The following SOX5 variants were observed in gnomAD, a reference collection of about 807,000 sequenced individuals.
The protein encoded by SOX5 is transcription factor SOX-5.
SOX5 carries 9 observed loss-of-function variants against 92.0 expected under a neutral mutation model. That is an observed-to-expected ratio of 0.10 (90% confidence interval 0.06 to 0.17). The LOEUF is 0.17. Ranked by LOEUF, SOX5 falls within the 10% of genes least tolerant of loss-of-function variation. The pLI is 1.00. For missense variants in SOX5, 642 were observed against 944.5 expected, an observed-to-expected ratio of 0.68 and a Z score of 4.20; for synonymous variants, 344 against 336.3, an observed-to-expected ratio of 1.02 and a Z score of -0.25.
chr12:24,460,345 C>A (rs1943485762), intron 1 of SOX5, among the ~76,000 whole-genome samples: 1 of 152,142 alleles, frequency 6.6e-6, no homozygotes, highest in South Asian at 2.1e-4. Flanking sequence ...GAAAGCATGT[C>A]CAATTGAATA....
chr12:24,059,768 T>A (rs1273694533), intron 4 of SOX5, among the ~76,000 whole-genome samples: 1 of 152,110 alleles, frequency 6.6e-6, no homozygotes, highest in Non-Finnish European at 1.5e-5. Flanking sequence ...CAACCCACAA[T>A]CAAGAGTATA....
chr12:24,496,542 T>C lies in SOX5; in HGVS notation c.-251+65787A>G, dbSNP rs984616762. On this transcript the variant is annotated intron_variant, in intron 1 of 4. Coordinates refer to the SOX5 transcript ENST00000446891. ...AACTTCGCAATTTCCAGGTAACTTA[T>C]GTAATGTTACTGGGAGTAGCAGAAG... Among the ~76,000 whole-genome samples, 3 of 152,310 alleles carry C rather than the reference T, an allele frequency of 2.0e-5. No homozygotes were observed. The South Asian group carries it at 6.2e-4, about 32-fold the overall frequency.
chr12:24,335,747 T>C (rs1034907335), intron 2 of SOX5, among the ~76,000 whole-genome samples: 2 of 151,956 alleles, frequency 1.3e-5, no homozygotes, highest in Non-Finnish European at 2.9e-5. Flanking sequence ...TAGAAATCTA[T>C]AGAAAAGTTA....
intron 4 of SOX5, among the ~76,000 whole-genome samples, chr12:23,985,242 T>TTTTACTTA (rs1555461589): frequency 6.7e-6 from 1 of 149,090 alleles, no homozygotes; most frequent in Non-Finnish European, 1.5e-5. Flanking sequence ...TTTTTTTGAA[T>TTTTACTTA]TTTATTTATT....
intron 4 of SOX5, among the ~76,000 whole-genome samples, chr12:24,153,067 A>G (rs571220754): frequency 2.6e-5 from 4 of 152,128 alleles, no homozygotes; most frequent in Admixed American, 2.6e-4. Flanking sequence ...TGTCTGGACC[A>G]CTGGGGAAAC....
intron 4 of SOX5, among the ~76,000 whole-genome samples, chr12:24,165,039 C>T (rs1474461032): frequency 1.3e-5 from 2 of 151,972 alleles, no homozygotes; most frequent in Admixed American, 1.3e-4. Flanking sequence ...ATCTTGCAAA[C>T]ACCTTTTCCT....
intron 2 of SOX5, among the ~76,000 whole-genome samples, chr12:23,857,477 T>C (rs544093575): frequency 1.3e-5 from 2 of 152,304 alleles, no homozygotes; most frequent in East Asian, 1.9e-4. Flanking sequence ...TCTGTGATTA[T>C]CAACTGTTTT....
rs1964228785 is a variant in SOX5 at position 24,235,237 on chromosome 12, TTA to T, written c.-76-21822_-76-21821del. On this transcript the variant is annotated intron_variant, in intron 3 of 4. Coordinates refer to the SOX5 transcript ENST00000446891. ...TATGAAAGATGACATTAGAGCTATC[TTA>T]TGAGTAAAGCTTAGCAGCTCAGAGG... Among the ~76,000 whole-genome samples, 4 of 152,356 alleles carry T rather than the reference TTA, an allele frequency of 2.6e-5. No individual in the cohort carries two copies. In the South Asian group the frequency reaches 8.3e-4, roughly 32 times the overall value.
chr12:24,045,151 C>T (rs1426451790), intron 4 of SOX5, among the ~76,000 whole-genome samples: 1 of 152,074 alleles, frequency 6.6e-6, no homozygotes, highest in African/African-American at 2.4e-5. Context: ...CTCTGGACTC[C>T]ACTGCTTGGG....
At chr12:23,763,043 C>T (rs1396937802) in intron 3 of SOX5, among the ~76,000 whole-genome samples, 1 of 152,192 alleles carries the variant, frequency 6.6e-6, no homozygotes, top group African/African-American at 2.4e-5. Flanking sequence ...AATTGAAGAG[C>T]TAGTCCTCAT....
chr12:23,607,092 A>G (rs911811527), intron 8 of SOX5, among the ~76,000 whole-genome samples: 1 of 152,122 alleles, frequency 6.6e-6, no homozygotes, highest in African/African-American at 2.4e-5. Context: ...CTTCTGTGCA[A>G]GAGGACAAAT....
At chr12:23,839,238 G>A (rs1331889524) in intron 3 of SOX5, among the ~76,000 whole-genome samples, 2 of 151,886 alleles carry the variant, frequency 1.3e-5, no homozygotes, top group East Asian at 1.9e-4. Flanking sequence ...TTACTCATGG[G>A]GATTGGCATG....
At chr12:23,551,348 G>A (rs919976046) in intron 11 of SOX5, among the ~76,000 whole-genome samples, 1 of 151,732 alleles carries the variant, frequency 6.6e-6, no homozygotes, top group Non-Finnish European at 1.5e-5. Context: ...GAAATAAGGC[G>A]CATGTCCACT....
chr12:24,553,700 G>A (rs907723171), intron 1 of SOX5, among the ~76,000 whole-genome samples: 2 of 152,198 alleles, frequency 1.3e-5, no homozygotes, highest in Non-Finnish European at 2.9e-5. Flanking sequence ...AGTGGACAGT[G>A]GTGCCATGAG....
At chr12:23,968,188 T>C (rs1947812097) in intron 4 of SOX5, among the ~76,000 whole-genome samples, 1 of 152,226 alleles carries the variant, frequency 6.6e-6, no homozygotes. Flanking sequence ...TCTGCATTTG[T>C]TGTTATCACA....
intron 11 of SOX5, among the ~76,000 whole-genome samples, chr12:23,550,445 C>T (rs1007365844): frequency 4.6e-5 from 7 of 151,766 alleles, no homozygotes; most frequent in African/African-American, 1.2e-4. Flanking sequence ...GATAGATATA[C>T]TTTTAATATT....
chr12:24,163,456 T>C (rs1221347586), intron 4 of SOX5, among the ~76,000 whole-genome samples: 1 of 152,050 alleles, frequency 6.6e-6, no homozygotes, highest in African/African-American at 2.4e-5. Context: ...AAAGTTCTTT[T>C]TGTCTACTCA....
intron 4 of SOX5, among the ~76,000 whole-genome samples, chr12:24,098,763 A>G (rs1569541940): frequency 6.6e-6 from 1 of 152,138 alleles, no homozygotes; most frequent in Non-Finnish European, 1.5e-5. Context: ...AGACTTGTGC[A>G]GCTCCTGAAC....
In SOX5 at chr12:23,949,657, T is replaced by C. The variant is rs1211845715; in HGVS notation, c.-56A>G. 11 of 1,613,380 alleles carry C rather than the reference T, an allele frequency of 6.8e-6. No individual in the cohort carries two copies. The highest frequency in any genetic ancestry group is 9.3e-6 in the Non-Finnish European group (11 of 1,179,690). On this transcript the variant is annotated 5_prime_UTR_variant, in exon 1 of 15. Coordinates refer to ENST00000451604, the MANE Select transcript of SOX5 (RefSeq NM_006940.6). ...GCAGCCACCTATGATCGTCTCCAACTGAACCTGTCAAGTGAGTCCAAACCT... is the reference window on the plus strand; with the variant it reads ...GCAGCCACCTATGATCGTCTCCAACCGAACCTGTCAAGTGAGTCCAAACCT...
Sources: gnomAD v4.1 joint callset for allele counts (sites outside exome capture counted in the v4.1 genomes callset) on GRCh38, gnomAD v4.1.1 for gene constraint, MANE v1.5 for transcripts, NCBI Gene and HGNC (gene_info 2026-07-23, HGNC 2026-07-21) for gene names.